Variants in LRRC8A observed in about 807,000 individuals in gnomAD.
LRRC8A encodes volume-regulated anion channel subunit LRRC8A.
A neutral mutation model predicts 52.5 loss-of-function variants in LRRC8A; 24 were observed. The observed-to-expected ratio is 0.46, with a 90% CI of 0.33 to 0.64. LRRC8A has a LOEUF of 0.64. LRRC8A is among the 30% of genes least tolerant of loss of function. The pLI is 0.02. For missense variants in LRRC8A, 677 were observed against 1,094.7 expected, an observed-to-expected ratio of 0.62 and a Z score of 5.38; for synonymous variants, 492 against 494.2, an observed-to-expected ratio of 1.00 and a Z score of 0.06.
At chr9:128,895,284 G>A (rs60343876) in intron 2 of LRRC8A, among the ~76,000 whole-genome samples, 116 of 152,284 alleles carry the variant, frequency 7.6e-4, no homozygotes, top group African/African-American at 2.7e-3. Flanking sequence ...GGGAGGTGGA[G>A]GTTGCAGTGA....
In LRRC8A at chr9:128,907,457, A is replaced by G. The variant is rs1032396301; in HGVS notation, c.293A>G (p.Lys98Arg). ...PTPDTGPTGI[K>R]YDLDRHQYNY... ...CCTGACACGGGCCCCACAGGCATCA[A>G]GTATGACCTGGACCGGCACCAGTAC... is the stretch of plus-strand genomic sequence containing the variant. Residue 98 changes from lysine (K) to arginine (R), a missense_variant, in exon 3 of 4, where the codon AAG (lysine) becomes AGG (arginine). By Grantham distance (26) the Lys-to-Arg change is conservative (BLOSUM62 2). Transcript: ENST00000372600. This position sits in a 1 kb window ranked among gnomAD's most constrained non-coding sequence, Gnocchi z 9.3. 6.2e-7 allele frequency: 1 copy of G among 1,613,834 alleles called. No individual in the cohort carries two copies. The highest frequency in any genetic ancestry group is 1.3e-5 in the African/African-American group (1 of 74,942).
Position 128,916,713 on chromosome 9 carries a change from T to C in LRRC8A, c.*342T>C, listed in dbSNP as rs1840837217. 1.3e-5 allele frequency: 3 copies of C among 237,318 alleles called. No homozygotes were observed. The highest frequency in any genetic ancestry group is 2.5e-5 in the Non-Finnish European group (3 of 121,180). The allele number at this position is 237,318 out of a possible 1,614,324, so 14.7% of individuals were successfully genotyped here. A position where few individuals can be genotyped will look rare whatever the true frequency, so the allele number is the denominator to read the frequency against. On this transcript the variant is annotated 3_prime_UTR_variant, in exon 4 of 4. Transcript: ENST00000372600. This position sits in a 1 kb window ranked among gnomAD's most constrained non-coding sequence, Gnocchi z 6.1. ...GGTCCTGGGACCCTCACTTTAGTTC[T>C]TGGTATTTATTTTTCTCCATCTCCC...
chr9:128,906,414 C>G (rs991745987), intron 2 of LRRC8A, among the ~76,000 whole-genome samples: 5 of 150,860 alleles, frequency 3.3e-5, no homozygotes, highest in Non-Finnish European at 7.4e-5. Context: ...CCTCCACCTC[C>G]CGGGTTCAAG....
chr9:128,906,612 G>A (rs1435696232), intron 2 of LRRC8A, among the ~76,000 whole-genome samples: 4 of 152,068 alleles, frequency 2.6e-5, no homozygotes, highest in Non-Finnish European at 4.4e-5. Context: ...CGTGAACCAC[G>A]TGGAATTTTT....
intron 2 of LRRC8A, among the ~76,000 whole-genome samples, chr9:128,901,172 CA>C (rs891080446): frequency 3.4e-5 from 5 of 148,798 alleles, no homozygotes; most frequent in African/African-American, 5.0e-5. Flanking sequence ...GACTCCATCT[CA>C]AAAAAAACAG....
chr9:128,884,951 T>C (rs1839332678), intron 1 of LRRC8A: 1 of 152,206 alleles, frequency 6.6e-6, no homozygotes, highest in African/African-American at 2.4e-5. Context: ...ATATAGTAAA[T>C]ACCCAGTGGT....
In LRRC8A at chr9:128,902,591, T is replaced by C. The variant is rs1261094070; in HGVS notation, c.-8-4566T>C. 6.6e-6 allele frequency among the ~76,000 whole-genome samples: 1 copy of C among 152,178 alleles called. No individual in the cohort carries two copies. Among genetic ancestry groups the C allele is most frequent in the Non-Finnish European group, 1.5e-5 (1 of 68,024 alleles). On this transcript the variant is annotated intron_variant, in intron 2 of 3. Transcript: ENST00000372600. The surrounding 1 kb of genome is among the most constrained non-coding windows in gnomAD (Gnocchi z 4.1). The stretch of plus-strand genomic sequence containing the variant: ...CCGCCCTGGCTGTCTCATTCCAGAC[T>C]TGGGGGCAGGCAGGCTGCTGCATGC...
chr9:128,891,555 T>C (rs1387468840), intron 2 of LRRC8A, among the ~76,000 whole-genome samples: 5 of 152,148 alleles, frequency 3.3e-5, no homozygotes, highest in African/African-American at 1.2e-4. Flanking sequence ...CGCAAGATCC[T>C]GTCTCAAAAA....
rs1254139637 is a variant in LRRC8A, at chr9:128,902,275, G to A, written c.-8-4882G>A. ...ATGTTCCCAGACCAAGCACGGAGTT[G>A]GGGCGGGTGGTCAGAATCAGACCTG... On this transcript the variant is annotated intron_variant, in intron 2 of 3. Coordinates refer to ENST00000372600, the MANE Select transcript of LRRC8A (RefSeq NM_019594.4). The surrounding 1 kb of genome is among the most constrained non-coding windows in gnomAD (Gnocchi z 4.1). Among the ~76,000 whole-genome samples, 1 of 152,176 alleles carries A rather than the reference G, an allele frequency of 6.6e-6. No individual in the cohort carries two copies. Among genetic ancestry groups the A allele is most frequent in the Non-Finnish European group, 1.5e-5 (1 of 67,986 alleles).
intron 2 of LRRC8A, among the ~76,000 whole-genome samples, chr9:128,904,912 G>A (rs1840177562): frequency 6.6e-6 from 1 of 151,410 alleles, no homozygotes; most frequent in Middle Eastern, 3.2e-3. Flanking sequence ...GCAGGAGAAT[G>A]GCGTGAATCT....
At position 128,916,070 on chromosome 9, in the gene LRRC8A, T is replaced by C. The variant is rs754648799; in HGVS notation, c.2158-26T>C. 7 of 1,580,940 alleles carry C rather than the reference T, an allele frequency of 4.4e-6. No homozygotes were observed. The African/African-American group carries it at 5.4e-5, about 12-fold the overall frequency. ...CCGTCCAAGCCCACACCCACCTCAC[T>C]CTCACCCCTGCTTTTTTCCCTCCAG... On this transcript the variant is annotated intron_variant, in intron 3 of 3. Coordinates refer to ENST00000372600, the MANE Select transcript of LRRC8A (RefSeq NM_019594.4). This position sits in a 1 kb window ranked among gnomAD's most constrained non-coding sequence, Gnocchi z 6.1.
In LRRC8A at chr9:128,916,078, C is replaced by G. The variant is rs777805122; in HGVS notation, c.2158-18C>G. 12 of 1,588,292 alleles carry G rather than the reference C, an allele frequency of 7.6e-6. No individual in the cohort carries two copies. The highest frequency in any genetic ancestry group is 8.6e-7 in the Non-Finnish European group (1 of 1,163,052). ...GCCCACACCCACCTCACTCTCACCCCTGCTTTTTTCCCTCCAGATCGAGAC... is the reference window on the plus strand; with the variant it reads ...GCCCACACCCACCTCACTCTCACCCGTGCTTTTTTCCCTCCAGATCGAGAC... On this transcript the variant is annotated intron_variant, in intron 3 of 3. Transcript: ENST00000372600. This position sits in a 1 kb window ranked among gnomAD's most constrained non-coding sequence, Gnocchi z 6.1.
chr9:128,900,334 G>A lies in LRRC8A; in HGVS notation c.-8-6823G>A, dbSNP rs553937257. Among the ~76,000 whole-genome samples, 8 of 152,360 alleles carry A rather than the reference G, an allele frequency of 5.3e-5. No individual in the cohort carries two copies. In the East Asian group the frequency reaches 1.3e-3, roughly 26 times the overall value. On this transcript the variant is annotated intron_variant, in intron 2 of 3. Coordinates refer to ENST00000372600, the MANE Select transcript of LRRC8A (RefSeq NM_019594.4). Reference sequence around the variant, plus strand: ...GACTCTTGTCCTCAAAGAGAATCTGGCTTCACTAGGTGCTGAGGAGGTGGA... The same window carrying A: ...GACTCTTGTCCTCAAAGAGAATCTGACTTCACTAGGTGCTGAGGAGGTGGA...
chr9:128,914,635 C>T (rs989977730), intron 3 of LRRC8A, among the ~76,000 whole-genome samples: 4 of 152,162 alleles, frequency 2.6e-5, no homozygotes, highest in African/African-American at 4.8e-5. Context: ...AAAATGGGGG[C>T]GGTGATAGAG....
chr9:128,900,186 C>G (rs549529229), intron 2 of LRRC8A, among the ~76,000 whole-genome samples: 1 of 152,334 alleles, frequency 6.6e-6, no homozygotes, highest in Non-Finnish European at 1.5e-5. Flanking sequence ...CCCACATCCA[C>G]CTGAAACTGC....
At position 128,886,059 on chromosome 9, in the gene LRRC8A, A is replaced by C. The variant is rs1021247541; in HGVS notation, c.-71A>C. 2 of 152,468 alleles carry C rather than the reference A, an allele frequency of 1.3e-5. No individual in the cohort carries two copies. Among genetic ancestry groups the C allele is most frequent in the Admixed American group, 1.3e-4 (2 of 15,282 alleles). 9.4% of individuals were successfully genotyped at this position (152,468 alleles called of 1,614,324 possible). A position where few individuals can be genotyped will look rare whatever the true frequency, so the allele number is the denominator to read the frequency against. On this transcript the variant is annotated 5_prime_UTR_variant, in exon 2 of 4. Coordinates refer to ENST00000372600, the MANE Select transcript of LRRC8A (RefSeq NM_019594.4). ...CAAAAGGAATGCCAGGATCCTGCACAGGCAGACGCGGGCCAGCCTCAGCAC... is the reference window on the plus strand; with the variant it reads ...CAAAAGGAATGCCAGGATCCTGCACCGGCAGACGCGGGCCAGCCTCAGCAC...
Position 128,908,863 on chromosome 9 carries a change from G to A in LRRC8A, c.1699G>A (p.Val567Met), listed in dbSNP as rs143836544. Residue 567 changes from valine to methionine, a missense_variant, in exon 3 of 4, where the codon GTG becomes ATG. Val to Met is a conservative substitution (Grantham distance 21). Coordinates refer to ENST00000372600, the MANE Select transcript of LRRC8A (RefSeq NM_019594.4). ...KLPQVVTDVG[V>M]HLQKLSINNE... The stretch of plus-strand genomic sequence containing the variant: ...GCCACAGGTGGTCACAGATGTGGGC[G>A]TGCACCTGCAGAAGCTGTCCATCAA... The A allele has an allele frequency of 4.7e-3, 7,547 of 1,613,796 alleles. 30 individuals are homozygous for A. Among genetic ancestry groups the A allele is most frequent in the Non-Finnish European group, 5.7e-3 (6,673 of 1,180,022 alleles).
At chr9:128,909,392 C>T (rs530546913) in intron 3 of LRRC8A, 71 bp downstream of exon 3, 4 of 1,453,846 alleles carry the variant, frequency 2.8e-6, no homozygotes, top group Non-Finnish European at 3.8e-6. Flanking sequence ...GTGGGGCACT[C>T]GGCAGGCTCA....
chr9:128,903,049 G>A (rs1840089069), intron 2 of LRRC8A, among the ~76,000 whole-genome samples: 1 of 152,228 alleles, frequency 6.6e-6, no homozygotes, highest in African/African-American at 2.4e-5. Flanking sequence ...GAGCCCGGTG[G>A]TAGAGGGACA....
Sources: gnomAD v4.1 joint callset for allele counts (sites outside exome capture counted in the v4.1 genomes callset) on GRCh38, gnomAD v4.1.1 for gene constraint, Gnocchi (gnomAD v3.1) non-coding constraint, MANE v1.5 for transcripts, NCBI Gene and HGNC (gene_info 2026-07-23, HGNC 2026-07-21) for gene names.